Variants in RARB observed in about 807,000 individuals in gnomAD.
RARB encodes HBV-activated protein.
A neutral mutation model predicts 51.9 loss-of-function variants in RARB; 17 were observed. The observed-to-expected ratio is 0.33, with a 90% confidence interval of 0.22 to 0.49. The LOEUF (loss-of-function observed/expected upper bound fraction) is 0.49, where lower values mean the gene tolerates loss of function less well. Ranked by LOEUF, RARB falls within the 20% of genes least tolerant of loss-of-function variation. The probability of loss-of-function intolerance (pLI) is 0.99; values close to 1 mark genes in which losing one functional copy is unlikely to be tolerated. For missense variants in RARB, 369 were observed against 550.8 expected, an observed-to-expected ratio of 0.67 and a Z score of 3.30; for synonymous variants, 215 against 195.4, an observed-to-expected ratio of 1.10 and a Z score of -0.84.
At chr3:25,436,253 T>C (rs1379784412) in intron 1 of RARB, among the ~76,000 whole-genome samples, 2 of 152,222 alleles carry the variant, frequency 1.3e-5, no homozygotes, top group Non-Finnish European at 2.9e-5. Flanking sequence ...TGCTTTACCT[T>C]TGATTTTATA....
rs35056259 is a variant in RARB, at chr3:25,456,554, A to ATTTTTTTT, written c.158-4621_158-4614dup. On this transcript the variant is annotated intron_variant, in intron 1 of 7. Coordinates refer to ENST00000330688, the MANE Select transcript of RARB (RefSeq NM_000965.5). Reference sequence around the variant, plus strand: ...GGTGATCTGACAGACTATACCACTGATTTTTTTTTTTTTTTTTTTTTTTTT... The same window carrying ATTTTTTTT: ...GGTGATCTGACAGACTATACCACTGATTTTTTTTTTTTTTTTTTTTTTTTTTTTTTTTT... Among the ~76,000 whole-genome samples, 6 of 44,122 alleles carry ATTTTTTTT rather than the reference A, an allele frequency of 1.4e-4. 2 individuals carry two copies. The highest frequency in any genetic ancestry group is 5.9e-4 in the African/African-American group (6 of 10,134). The allele number at this position is 44,122 out of a possible 152,430, so 28.9% of individuals were successfully genotyped here. A position where few individuals can be genotyped will look rare whatever the true frequency, so the allele number is the denominator to read the frequency against.
At chr3:25,118,107 G>C (rs1332874063) in intron 3 of RARB, among the ~76,000 whole-genome samples, 1 of 152,148 alleles carries the variant, frequency 6.6e-6, no homozygotes, top group Non-Finnish European at 1.5e-5. Context: ...CATCCTGCCT[G>C]ATATTGAGAC....
At chr3:25,212,166 C>G (rs1029303251) in intron 5 of RARB, among the ~76,000 whole-genome samples, 2 of 152,174 alleles carry the variant, frequency 1.3e-5, no homozygotes, top group Non-Finnish European at 2.9e-5. Context: ...TTTACCTAAA[C>G]TCTATTTTTA....
rs199729200 is a variant in RARB, at chr3:25,512,855, G to A, written c.448+11532G>A. On this transcript the variant is annotated intron_variant, in intron 3 of 7. Coordinates refer to ENST00000330688, the MANE Select transcript of RARB (RefSeq NM_000965.5). Reference sequence around the variant, plus strand: ...GTCTGTGTGTGTGTATAGGTGTTGAGAGAGGGAAAACTCATCGCACAGAAG... The same window carrying A: ...GTCTGTGTGTGTGTATAGGTGTTGAAAGAGGGAAAACTCATCGCACAGAAG... Among the ~76,000 whole-genome samples, 35 of 152,300 alleles carry A rather than the reference G, an allele frequency of 2.3e-4. 1 individual carries two copies. The East Asian group carries it at 6.2e-3, about 27-fold the overall frequency.
At chr3:25,328,277 T>C (rs1053251549) in intron 5 of RARB, among the ~76,000 whole-genome samples, 34 of 152,206 alleles carry the variant, frequency 2.2e-4, no homozygotes, top group Non-Finnish European at 3.8e-4. Flanking sequence ...CCCAACACTT[T>C]GAAAGACTGA....
At chr3:25,091,142 A>C (rs991500803) in intron 3 of RARB, among the ~76,000 whole-genome samples, 1 of 152,174 alleles carries the variant, frequency 6.6e-6, no homozygotes, top group Admixed American at 6.6e-5. Context: ...TTTATAGAAC[A>C]ACAAGTCAGT....
chr3:25,241,185 C>G (rs902285094), intron 5 of RARB, among the ~76,000 whole-genome samples: 1 of 152,170 alleles, frequency 6.6e-6, no homozygotes. Context: ...AATGGGCATT[C>G]TGGAACATGC....
At chr3:24,922,005 C>G (rs1467399097) in intron 2 of RARB, among the ~76,000 whole-genome samples, 1 of 152,184 alleles carries the variant, frequency 6.6e-6, no homozygotes, top group Admixed American at 6.5e-5. Flanking sequence ...GCCAAGGATG[C>G]AGTAGAGTCT....
At chr3:25,107,728 A>ATATGCTGTAATATGCTGTAATAAAATGG (rs1699533181) in intron 3 of RARB, among the ~76,000 whole-genome samples, 1 of 152,220 alleles carries the variant, frequency 6.6e-6, no homozygotes, top group African/African-American at 2.4e-5. Context: ...GAAAATGGTA[A>ATATGCTGTAATATGCTGTAATAAAATGG]TAATATGCTG....
chr3:25,353,252 G>A (rs1285141897), intron 5 of RARB, among the ~76,000 whole-genome samples: 1 of 152,154 alleles, frequency 6.6e-6, no homozygotes, highest in African/African-American at 2.4e-5. Context: ...ACCCAGCTCT[G>A]AATTCTCACA....
At chr3:25,326,022 A>G (rs551409502) in intron 5 of RARB, among the ~76,000 whole-genome samples, 1 of 152,296 alleles carries the variant, frequency 6.6e-6, no homozygotes, top group Admixed American at 6.5e-5. Flanking sequence ...ATGAAAGAAG[A>G]TAAGGAGATT....
chr3:25,207,309 G>A (rs1253042547), intron 5 of RARB, among the ~76,000 whole-genome samples: 3 of 152,078 alleles, frequency 2.0e-5, no homozygotes, highest in South Asian at 2.1e-4. Context: ...TTCAGATCAC[G>A]TATCTTCTTA....
At chr3:25,398,864 C>A (rs558699599) in intron 5 of RARB, among the ~76,000 whole-genome samples, 1 of 152,014 alleles carries the variant, frequency 6.6e-6, no homozygotes, top group Non-Finnish European at 1.5e-5. Context: ...TATGTCTGTA[C>A]GCAATATGTT....
rs138269766 is a variant in RARB at position 25,242,288 on chromosome 3, G to A, written c.178+67713G>A. On this transcript the variant is annotated intron_variant, in intron 5 of 11. Transcript: ENST00000383772. ...CACTCTGATGGTAGTTTATTTTGCC[G>A]TGCAGAAACTCTTTAGTTTAATTAG... Among the ~76,000 whole-genome samples the A allele has an allele frequency of 6.7e-3, 1,023 of 152,140 alleles. 2 individuals are homozygous for A. The highest frequency in any genetic ancestry group is 0.01 in the Non-Finnish European group (689 of 68,002).
chr3:25,199,037 G>A (rs967200327), intron 5 of RARB, among the ~76,000 whole-genome samples: 2 of 152,024 alleles, frequency 1.3e-5, no homozygotes, highest in African/African-American at 2.4e-5. Context: ...ATTTGGTGGC[G>A]ACCTAAGTGT....
In RARB at chr3:25,463,071, G is replaced by A. The variant is rs376809082; in HGVS notation, c.306+1730G>A. Reference sequence around the variant, plus strand: ...TTTTTTGTAGAGATGGGGGTCTCACGTATGTTGCCCAGGCTGACCTCGAAT... The same window carrying A: ...TTTTTTGTAGAGATGGGGGTCTCACATATGTTGCCCAGGCTGACCTCGAAT... On this transcript the variant is annotated intron_variant, in intron 2 of 7. Transcript: ENST00000330688. 8.5e-5 allele frequency among the ~76,000 whole-genome samples: 13 copies of A among 152,194 alleles called. No individual in the cohort carries two copies. The East Asian group carries it at 9.7e-4, about 11-fold the overall frequency.
At chr3:24,883,353 T>C (rs1418036654) in intron 2 of RARB, among the ~76,000 whole-genome samples, 1 of 131,924 alleles carries the variant, frequency 7.6e-6, no homozygotes, top group African/African-American at 3.1e-5. Context: ...CTTTCAACAA[T>C]CATTGTGTGT....
rs115584415 is a variant in RARB, at chr3:25,018,914, C to T, written c.-379-41211C>T. 9.2e-3 allele frequency among the ~76,000 whole-genome samples: 1,395 copies of T among 152,280 alleles called. 17 individuals carry two copies. The highest frequency in any genetic ancestry group is 0.03 in the African/African-American group (1,230 of 41,556). On this transcript the variant is annotated intron_variant, in intron 2 of 11. Transcript: ENST00000383772. ...TTGAAAACTCATTTCAGTCATTTTT[C>T]CCCTTCCCATCCAACTTAAGTTTAT...
intron 2 of RARB, among the ~76,000 whole-genome samples, chr3:25,042,095 A>G (rs945062056): frequency 1.3e-5 from 2 of 152,198 alleles, no homozygotes; most frequent in African/African-American, 4.8e-5. Flanking sequence ...GCCAGATGCC[A>G]CTGTGCTCCT....
Sources: allele counts gnomAD v4.1 joint callset (sites outside exome capture counted in the v4.1 genomes callset), GRCh38; gene constraint gnomAD v4.1.1; transcripts MANE v1.5; gene names NCBI Gene and HGNC (gene_info 2026-07-23, HGNC 2026-07-21).